STK32B: variants seen among roughly 807,000 people sequenced by gnomAD.
STK32B encodes serine/threonine kinase 32B, also known as serine/threonine-protein kinase 32B.
Under a neutral mutation model 52.6 loss-of-function variants are expected in STK32B, and 43 were observed. The observed-to-expected ratio is 0.82, with a 90% CI of 0.64 to 1.05. The LOEUF is 1.05. Among genes scored for constraint, STK32B ranks in the 50% least tolerant of loss-of-function variants. The pLI is 0.00. For synonymous variants in STK32B, 238 were observed against 204.3 expected (o/e 1.17, Z -1.41); for missense variants, 621 against 534.6 (o/e 1.16, Z -1.59).
chr4:5,317,218 T>C (rs1283819455), intron 3 of STK32B, among the ~76,000 whole-genome samples: 1 of 44,348 alleles, frequency 2.3e-5, no homozygotes, highest in East Asian at 8.7e-4. Context: ...ATATAACATA[T>C]ATATATTATA....
At chr4:5,180,007 T>A (rs1266221415) in intron 3 of STK32B, among the ~76,000 whole-genome samples, 1 of 152,162 alleles carries the variant, frequency 6.6e-6, no homozygotes, top group Admixed American at 6.5e-5. Context: ...GCAGGAGGTT[T>A]GTCCCATTGA....
At chr4:5,241,901 T>G (rs1199617781) in intron 3 of STK32B, among the ~76,000 whole-genome samples, 1 of 152,226 alleles carries the variant, frequency 6.6e-6, no homozygotes, top group South Asian at 2.1e-4. Flanking sequence ...ACAAAGGACA[T>G]GAACTCATCA....
chr4:5,274,696 C>A (rs7694623), intron 3 of STK32B, among the ~76,000 whole-genome samples: 30,889 of 152,042 alleles, frequency 0.2, 6,589 homozygotes, highest in African/African-American at 0.54. Flanking sequence ...GGTCCCCTCC[C>A]TTTTTTTGGG....
intron 4 of STK32B, among the ~76,000 whole-genome samples, chr4:5,336,968 CTTTTG>C (rs2108963648): frequency 6.6e-6 from 1 of 152,122 alleles, no homozygotes; most frequent in Admixed American, 6.6e-5. Flanking sequence ...TTTTGAATTT[CTTTTG>C]TTTTTGTTTT....
At chr4:5,195,976 A>G (rs1359820082) in intron 3 of STK32B, among the ~76,000 whole-genome samples, 1 of 152,256 alleles carries the variant, frequency 6.6e-6, no homozygotes, top group African/African-American at 2.4e-5. Flanking sequence ...CTTACATGGC[A>G]TCATTAAATT....
intron 3 of STK32B, among the ~76,000 whole-genome samples, chr4:5,236,086 A>G (rs1724613406): frequency 6.6e-6 from 1 of 152,196 alleles, no homozygotes; most frequent in African/African-American, 2.4e-5. Context: ...TCTTACTGGC[A>G]TGTCAATTAT....
chr4:5,438,519 T>G (rs1714344021), intron 6 of STK32B, among the ~76,000 whole-genome samples: 1 of 152,200 alleles, frequency 6.6e-6, no homozygotes, highest in African/African-American at 2.4e-5. Context: ...GTTCCCAGAT[T>G]TCTGGTTTGG....
chr4:5,233,230 G>T (rs914110944), intron 3 of STK32B, among the ~76,000 whole-genome samples: 2 of 152,122 alleles, frequency 1.3e-5, no homozygotes, highest in Non-Finnish European at 2.9e-5. Context: ...GAATTAAGTT[G>T]GGGACCACTG....
intron 3 of STK32B, among the ~76,000 whole-genome samples, chr4:5,198,049 C>G (rs985077260): frequency 6.6e-6 from 1 of 151,734 alleles, no homozygotes; most frequent in Non-Finnish European, 1.5e-5. Context: ...AATGTGCTAT[C>G]TCATGCCATA....
intron 3 of STK32B, among the ~76,000 whole-genome samples, chr4:5,231,441 T>G (rs1724260946): frequency 6.6e-6 from 1 of 152,070 alleles, no homozygotes; most frequent in South Asian, 2.1e-4. Flanking sequence ...CAAAACCCCA[T>G]TTCTACTAAA....
intron 4 of STK32B, among the ~76,000 whole-genome samples, chr4:5,332,458 C>T (rs1057208887): frequency 2.0e-5 from 3 of 152,064 alleles, no homozygotes; most frequent in East Asian, 1.9e-4. Context: ...TATAATAAGG[C>T]GAATTGTTGA....
At chr4:5,450,322 T>A (rs1715870049) in intron 7 of STK32B, among the ~76,000 whole-genome samples, 1 of 152,180 alleles carries the variant, frequency 6.6e-6, no homozygotes, top group African/African-American at 2.4e-5. Flanking sequence ...TATGAGGAGA[T>A]CTCCCTTCCC....
In STK32B at chr4:5,500,932, A is replaced by AGATT. The variant is rs1214376256; in HGVS notation, c.*1850_*1853dup. On this transcript the variant is annotated 3_prime_UTR_variant, in exon 12 of 12. Transcript: ENST00000282908. ...AGCTGGAAGTCGCCCTAGGAACACCAGATTTCCTGGTTCTGTTCAAGTTGG... is the reference window on the plus strand; with the variant it reads ...AGCTGGAAGTCGCCCTAGGAACACCAGATTGATTTCCTGGTTCTGTTCAAGTTGG... 6.6e-6 allele frequency: 1 copy of AGATT among 151,896 alleles called. No individual in the cohort carries two copies. Among genetic ancestry groups the AGATT allele is most frequent in the Non-Finnish European group, 1.5e-5 (1 of 67,988 alleles). The allele number at this position is 151,896 out of a possible 1,614,324, so 9.4% of individuals were successfully genotyped here.
At chr4:5,424,754 G>A (rs1712942251) in intron 6 of STK32B, among the ~76,000 whole-genome samples, 1 of 151,728 alleles carries the variant, frequency 6.6e-6, no homozygotes, top group Admixed American at 6.6e-5. Context: ...TGAATGGTGG[G>A]AGTGAAAGAG....
rs185875189 is a variant in STK32B at position 5,408,841 on chromosome 4, T to A, written c.473-8004T>A. 2.1e-3 allele frequency among the ~76,000 whole-genome samples: 313 copies of A among 152,268 alleles called. 1 individual carries two copies. The highest frequency in any genetic ancestry group is 7.2e-3 in the African/African-American group (300 of 41,526). ...AGGAAGCAGTGGTCTTGCCACCCCA[T>A]GACCCAGGGTGGAGGCAGTGCCATC... On this transcript the variant is annotated intron_variant, in intron 5 of 11. Coordinates refer to ENST00000282908, the MANE Select transcript of STK32B (RefSeq NM_018401.3).
intron 4 of STK32B, among the ~76,000 whole-genome samples, chr4:5,336,047 G>T (rs1055209519): frequency 6.0e-5 from 9 of 150,360 alleles, no homozygotes; most frequent in African/African-American, 2.2e-4. Flanking sequence ...TGCTAATGAG[G>T]GTAAAATGGA....
chr4:5,343,778 T>G (rs1186041507), intron 4 of STK32B, among the ~76,000 whole-genome samples: 1 of 152,140 alleles, frequency 6.6e-6, no homozygotes, highest in African/African-American at 2.4e-5. Flanking sequence ...TTAGAGTGAA[T>G]AGGCAACCTA....
At chr4:5,298,367 T>C (rs904334652) in intron 3 of STK32B, among the ~76,000 whole-genome samples, 9 of 152,164 alleles carry the variant, frequency 5.9e-5, no homozygotes, top group Non-Finnish European at 1.2e-4. Context: ...TGTTTAAGTC[T>C]GCTGAAGTTG....
chr4:5,489,298 T>C (rs1191294006), intron 11 of STK32B, among the ~76,000 whole-genome samples: 1 of 152,246 alleles, frequency 6.6e-6, no homozygotes, highest in African/African-American at 2.4e-5. Context: ...GTTTTTTCTC[T>C]ATTAATAATT....
Sources: allele counts gnomAD v4.1 joint callset (sites outside exome capture counted in the v4.1 genomes callset), GRCh38; gene constraint gnomAD v4.1.1; transcripts MANE v1.5; gene names NCBI Gene and HGNC (gene_info 2026-07-23, HGNC 2026-07-21).